TMED2: variants seen among roughly 807,000 people sequenced by gnomAD.
The protein encoded by TMED2 is transmembrane emp24 domain-containing protein 2.
A neutral mutation model predicts 17.5 loss-of-function variants in TMED2; 3 were observed. That is an observed-to-expected ratio of 0.17 (90% CI 0.08 to 0.44). The LOEUF (loss-of-function observed/expected upper bound fraction) is 0.44, where lower values mean the gene tolerates loss of function less well. TMED2 is among the 20% of genes least tolerant of loss of function. The probability of loss-of-function intolerance (pLI) is 0.99; values close to 1 mark genes in which losing one functional copy is unlikely to be tolerated. For synonymous variants in TMED2, 95 were observed against 91.0 expected (o/e 1.04, Z -0.25); for missense variants, 149 against 254.8 (o/e 0.58, Z 2.83).
At chr12:123,587,595 C>T (rs762519350) in intron 2 of TMED2, 2 of 1,276,724 alleles carry the variant, frequency 1.6e-6, no homozygotes, top group Non-Finnish European at 2.0e-6. Context: ...GTTAAGATAT[C>T]TTAACTTTTC....
chr12:123,586,598 C>T, intron 1 of TMED2, 149 bp from the exon 2 acceptor site: 2 of 656,170 alleles, frequency 3.0e-6, no homozygotes, highest in Non-Finnish European at 4.7e-6. Flanking sequence ...GATCTGCCTG[C>T]CTTGGCCTCC....
rs1239980644 is a variant in TMED2 at position 123,584,552 on chromosome 12, G to C, written c.-85G>C. On this transcript the variant is annotated 5_prime_UTR_variant, in exon 1 of 4. Coordinates refer to ENST00000262225, the MANE Select transcript of TMED2 (RefSeq NM_006815.4). ...GGGCGGAGCTTAGGCGGCGGTGGCTGAGAAGGCAGCGGGGCGGCGGCGGCG... is the reference window on the plus strand; with the variant it reads ...GGGCGGAGCTTAGGCGGCGGTGGCTCAGAAGGCAGCGGGGCGGCGGCGGCG... 2 of 1,479,610 alleles carry C rather than the reference G, an allele frequency of 1.4e-6. No individual in the cohort carries two copies. The highest frequency in any genetic ancestry group is 1.8e-6 in the Non-Finnish European group (2 of 1,108,882). 91.7% of individuals were successfully genotyped at this position (1,479,610 alleles called of 1,614,324 possible).
At position 123,584,599 on chromosome 12, in the gene TMED2, G is replaced by T. The variant is rs1886300378; in HGVS notation, c.-38G>T. ...GGCGGCGGCGGCGGCGGCTGTGGAG[G>T]CCGCAGTCCGGGTCCTGGCTTCGGC... On this transcript the variant is annotated 5_prime_UTR_variant, in exon 1 of 4. Coordinates refer to ENST00000262225, the MANE Select transcript of TMED2 (RefSeq NM_006815.4). The T allele has an allele frequency of 3.1e-6, 5 of 1,591,276 alleles. No individual in the cohort carries two copies.
chr12:123,586,545 T>C (rs1421822417), intron 1 of TMED2: 9 of 337,402 alleles, frequency 2.7e-5, no homozygotes, highest in Non-Finnish European at 4.3e-5. Context: ...AGACGGAGTT[T>C]TACCATGTTG....
intron 2 of TMED2, among the ~76,000 whole-genome samples, chr12:123,587,266 G>A (rs1464421687): frequency 1.1e-4 from 17 of 152,056 alleles, no homozygotes; most frequent in African/African-American, 3.6e-4. Context: ...CCCAAGTAGC[G>A]TCAGGCGTAT....
intron 3 of TMED2, among the ~76,000 whole-genome samples, chr12:123,594,841 C>A (rs1282021301): frequency 6.7e-6 from 1 of 148,208 alleles, no homozygotes; most frequent in Non-Finnish European, 1.5e-5. Context: ...GAGCTGAGAT[C>A]GCGTCATTGC....
At position 123,598,289 on chromosome 12, in the gene TMED2, T is replaced by C. The variant is rs185463705; in HGVS notation, c.*1560T>C. 1.8e-4 allele frequency: 27 copies of C among 152,328 alleles called. No homozygotes were observed. The highest frequency in any genetic ancestry group is 5.8e-4 in the African/African-American group (24 of 41,572). The allele number at this position is 152,328 out of a possible 1,614,324, so 9.4% of individuals were successfully genotyped here. A position where few individuals can be genotyped will look rare whatever the true frequency, so the allele number is the denominator to read the frequency against. On this transcript the variant is annotated 3_prime_UTR_variant, in exon 4 of 4. Transcript: ENST00000262225. ...TTTAATTCTATAAACTTGAGGATAG[T>C]GAATGGTACCAAGTTTTAGTTTCTG...
Position 123,586,924 on chromosome 12 carries a change from G to A in TMED2, c.358G>A (p.Asp120Asn), listed in dbSNP as rs755236095. ...TATTGGGGAGGCTCCAAAAGGACAA[G>A]ATATGGAAACAGAAGGTGAGATGAA... ...IDIGEAPKGQ[D>N]METEAHQNKL... The change falls in exon 2 of 4, where the codon GAT becomes AAT. Residue 120 changes from aspartate (D) to asparagine (N), a missense_variant. By Grantham distance (23) the Asp-to-Asn change is conservative. Transcript: ENST00000262225. The A allele has an allele frequency of 1.2e-6, 2 of 1,601,194 alleles. No individual in the cohort carries two copies. Among genetic ancestry groups the A allele is most frequent in the South Asian group, 1.1e-5 (1 of 89,296 alleles).
At chr12:123,587,602 T>C (rs947964434) in intron 2 of TMED2, 1 of 1,278,570 alleles carries the variant, frequency 7.8e-7, no homozygotes, top group African/African-American at 1.5e-5. Flanking sequence ...TATCTTAACT[T>C]TTCTTTAGGT....
At chr12:123,596,505 A>C (rs1461601057) in intron 3 of TMED2, 100 bp from the exon 4 acceptor site, 1 of 1,452,000 alleles carries the variant, frequency 6.9e-7, no homozygotes, top group African/African-American at 1.4e-5. Context: ...GGTGTACACA[A>C]TATTACTTTC....
At chr12:123,585,219 G>T in intron 1 of TMED2, 1 of 177,700 alleles carries the variant, frequency 5.6e-6, no homozygotes, top group Non-Finnish European at 1.2e-5. Context: ...TTCGTGTTAC[G>T]GATTAATGCT....
chr12:123,590,993 A>AG (rs1344577267), intron 3 of TMED2, among the ~76,000 whole-genome samples: 1 of 152,102 alleles, frequency 6.6e-6, no homozygotes, highest in Non-Finnish European at 1.5e-5. Context: ...AGGGAAAAAA[A>AG]AAAAAAAAAG....
At chr12:123,596,292 A>T (rs1335217670) in intron 3 of TMED2, among the ~76,000 whole-genome samples, 1 of 152,230 alleles carries the variant, frequency 6.6e-6, no homozygotes, top group Non-Finnish European at 1.5e-5. Flanking sequence ...TTATTATAAA[A>T]TAATCTTTGT....
At chr12:123,588,767 C>T (rs574313931) in intron 2 of TMED2, among the ~76,000 whole-genome samples, 6 of 152,206 alleles carry the variant, frequency 3.9e-5, no homozygotes, top group African/African-American at 9.6e-5. Context: ...CTGCTAAATA[C>T]CCTATAGTGC....
Position 123,584,635 on chromosome 12 carries a change from C to A in TMED2, c.-2C>A. On this transcript the variant is annotated 5_prime_UTR_variant, in exon 1 of 4. Coordinates refer to ENST00000262225, the MANE Select transcript of TMED2 (RefSeq NM_006815.4). ...GGTCCTGGCTTCGGCCTCAGCCCCA[C>A]CATGGTGACGCTTGCTGAACTGCTG... 2 of 1,610,070 alleles carry A rather than the reference C, an allele frequency of 1.2e-6. No individual in the cohort carries two copies. Among genetic ancestry groups the A allele is most frequent in the Non-Finnish European group, 1.7e-6 (2 of 1,179,470 alleles).
chr12:123,594,856 C>T lies in TMED2; in HGVS notation c.482-1749C>T, dbSNP rs760686454. ...GAGCTGAGATCGCGTCATTGCACTC[C>T]AGCCTGGGCAACAAGAGTGAAACTC... On this transcript the variant is annotated intron_variant, in intron 3 of 3. Transcript: ENST00000262225. Among the ~76,000 whole-genome samples, 55 of 151,664 alleles carry T rather than the reference C, an allele frequency of 3.6e-4. 1 individual carries two copies. Among genetic ancestry groups the T allele is most frequent in the Admixed American group, 1.8e-3 (28 of 15,210 alleles).
chr12:123,588,133 G>A (rs1412248845), intron 2 of TMED2, among the ~76,000 whole-genome samples: 1 of 151,620 alleles, frequency 6.6e-6, no homozygotes, highest in South Asian at 2.1e-4. Context: ...AACCCTGATT[G>A]GTTCTTGGTG....
At chr12:123,584,912 C>G in intron 1 of TMED2, 96 bp downstream of exon 1, 4 of 1,471,386 alleles carry the variant, frequency 2.7e-6, no homozygotes, top group East Asian at 2.3e-5. Flanking sequence ...GGGGAGTGGG[C>G]TTGGAAGTCG....
At position 123,584,590 on chromosome 12, in the gene TMED2, G is replaced by A. The variant is rs780633087; in HGVS notation, c.-47G>A. On this transcript the variant is annotated 5_prime_UTR_variant, in exon 1 of 4. Coordinates refer to ENST00000262225, the MANE Select transcript of TMED2 (RefSeq NM_006815.4). ...GGCGGCGGCGGCGGCGGCGGCGGCG[G>A]CTGTGGAGGCCGCAGTCCGGGTCCT... The A allele has an allele frequency of 8.9e-6, 14 of 1,574,020 alleles. No individual in the cohort carries two copies. In the African/African-American group the frequency reaches 1.2e-4, roughly 14 times the overall value.
Sources: allele counts gnomAD v4.1 joint callset (sites outside exome capture counted in the v4.1 genomes callset), GRCh38; gene constraint gnomAD v4.1.1; transcripts MANE v1.5; gene names NCBI Gene and HGNC (gene_info 2026-07-23, HGNC 2026-07-21).